Variants in SLC10A7 observed in about 807,000 individuals in gnomAD.
SLC10A7 encodes sodium/bile acid cotransporter 7.
Under a neutral mutation model 43.2 loss-of-function variants are expected in SLC10A7, and 29 were observed. The ratio of observed to expected loss-of-function variants is 0.67; its 90% CI spans 0.50 to 0.92. SLC10A7 has a LOEUF of 0.92. Ranked by LOEUF, SLC10A7 falls within the 40% of genes least tolerant of loss-of-function variation. SLC10A7 has a pLI of 0.00. For synonymous variants in SLC10A7, 152 were observed against 144.8 expected, an observed-to-expected ratio of 1.05 and a Z score of -0.35; for missense variants, 295 against 403.2, an observed-to-expected ratio of 0.73 and a Z score of 2.30.
At chr4:146,310,927 T>C (rs1244907631) in intron 6 of SLC10A7, among the ~76,000 whole-genome samples, 3 of 141,676 alleles carry the variant, frequency 2.1e-5, no homozygotes, top group African/African-American at 7.8e-5. Flanking sequence ...GCTGGGCTCC[T>C]CTTTTTGTGC....
chr4:146,309,481 T>C (rs1396831230), intron 6 of SLC10A7, among the ~76,000 whole-genome samples: 2 of 152,068 alleles, frequency 1.3e-5, no homozygotes, highest in Non-Finnish European at 2.9e-5. Flanking sequence ...ATGGGAGTTG[T>C]GGTGAGAATT....
intron 5 of SLC10A7, among the ~76,000 whole-genome samples, chr4:146,390,342 A>G (rs1738333971): frequency 6.6e-6 from 1 of 152,150 alleles, no homozygotes; most frequent in Non-Finnish European, 1.5e-5. Flanking sequence ...AAAGATAGCT[A>G]TTTAGGCTGG....
chr4:146,265,751 C>T (rs1485036639), intron 10 of SLC10A7, among the ~76,000 whole-genome samples: 1 of 152,134 alleles, frequency 6.6e-6, no homozygotes, highest in Non-Finnish European at 1.5e-5. Flanking sequence ...CTAGTTGCTT[C>T]ACTAGACTTT....
intron 6 of SLC10A7, among the ~76,000 whole-genome samples, chr4:146,316,190 T>C (rs1393580090): frequency 6.6e-6 from 1 of 152,058 alleles, no homozygotes; most frequent in Non-Finnish European, 1.5e-5. Flanking sequence ...GAAGATATAC[T>C]GAGAAAATAA....
intron 6 of SLC10A7, among the ~76,000 whole-genome samples, chr4:146,321,883 T>G (rs1373932074): frequency 1.3e-5 from 2 of 152,192 alleles, no homozygotes; most frequent in Non-Finnish European, 2.9e-5. Flanking sequence ...ATAAAATGCA[T>G]GACAACCTAA....
intron 4 of SLC10A7, among the ~76,000 whole-genome samples, chr4:146,501,187 A>G (rs1362536379): frequency 5.3e-5 from 8 of 152,146 alleles, no homozygotes. Flanking sequence ...TTTGGCTTTA[A>G]ATACATTTAT....
chr4:146,459,228 T>C (rs75941817), intron 4 of SLC10A7, among the ~76,000 whole-genome samples: 2,827 of 151,884 alleles, frequency 0.019, 70 homozygotes, highest in African/African-American at 0.061. Flanking sequence ...GAGATATGGA[T>C]TAGAATCCTT....
At chr4:146,422,620 A>G (rs1729040665) in intron 5 of SLC10A7, among the ~76,000 whole-genome samples, 1 of 152,158 alleles carries the variant, frequency 6.6e-6, no homozygotes, top group Non-Finnish European at 1.5e-5. Context: ...TCCAGCTATG[A>G]CAAACATTAG....
intron 4 of SLC10A7, among the ~76,000 whole-genome samples, chr4:146,458,212 G>T (rs1490497628): frequency 6.6e-6 from 1 of 150,930 alleles, no homozygotes; most frequent in Non-Finnish European, 1.5e-5. Context: ...ATCAATAGAT[G>T]AAAAAAGAAA....
At chr4:146,361,029 T>A (rs1285575109) in intron 5 of SLC10A7, among the ~76,000 whole-genome samples, 1 of 152,132 alleles carries the variant, frequency 6.6e-6, no homozygotes, top group Non-Finnish European at 1.5e-5. Flanking sequence ...CCTTTCCTCA[T>A]CTTTCAGGTA....
At chr4:146,426,256 C>T (rs374664179) in intron 5 of SLC10A7, among the ~76,000 whole-genome samples, 49 of 152,264 alleles carry the variant, frequency 3.2e-4, no homozygotes, top group African/African-American at 1.0e-3. Context: ...AACGGTTCAG[C>T]GAGCGACATC....
chr4:146,354,076 T>G (rs1210967956), intron 5 of SLC10A7, among the ~76,000 whole-genome samples: 2 of 146,760 alleles, frequency 1.4e-5, no homozygotes, highest in Non-Finnish European at 3.0e-5. Context: ...GGTATTCAAT[T>G]AGGAAAAGAG....
intron 5 of SLC10A7, among the ~76,000 whole-genome samples, chr4:146,330,285 C>CA (rs923932627): frequency 1.0e-4 from 15 of 150,712 alleles, no homozygotes; most frequent in East Asian, 5.8e-4. Context: ...ATAGGACATG[C>CA]AAAAAAAAGG....
chr4:146,465,355 A>C (rs989709527), intron 4 of SLC10A7, among the ~76,000 whole-genome samples: 2 of 152,178 alleles, frequency 1.3e-5, no homozygotes, highest in African/African-American at 4.8e-5. Flanking sequence ...TAGAAAACTT[A>C]TTCCTAGGAA....
At chr4:146,502,878 G>A (rs555781471) in intron 4 of SLC10A7, among the ~76,000 whole-genome samples, 25 of 152,168 alleles carry the variant, frequency 1.6e-4, no homozygotes, top group Non-Finnish European at 3.2e-4. Context: ...GTTGAGAAGG[G>A]CAGATGGAAG....
chr4:146,270,958 C>T (rs939849638), intron 10 of SLC10A7, among the ~76,000 whole-genome samples: 1 of 152,196 alleles, frequency 6.6e-6, no homozygotes, highest in South Asian at 2.1e-4. Flanking sequence ...TTCACTTCAA[C>T]CTTGTGGGAT....
rs2110953566 is a variant in SLC10A7 at position 146,255,142 on chromosome 4, G to C, written c.*1349C>G. On this transcript the variant is annotated 3_prime_UTR_variant, in exon 12 of 12. Transcript: ENST00000335472. ...GCCAATATTGTCTATCAAATCAAGAGAGGACGTGTAAGAGGATGTGACAGG... is the reference window on the plus strand; with the variant it reads ...GCCAATATTGTCTATCAAATCAAGACAGGACGTGTAAGAGGATGTGACAGG... The C allele has an allele frequency of 6.6e-6, 1 of 152,570 alleles. No individual in the cohort carries two copies. The highest frequency in any genetic ancestry group is 3.4e-3 in the Middle Eastern group (1 of 294). 9.5% of individuals were successfully genotyped at this position (152,570 alleles called of 1,614,324 possible). A position where few individuals can be genotyped will look rare whatever the true frequency, so the allele number is the denominator to read the frequency against.
chr4:146,380,663 T>C (rs745435518), intron 5 of SLC10A7, among the ~76,000 whole-genome samples: 8 of 152,142 alleles, frequency 5.3e-5, no homozygotes, highest in Non-Finnish European at 1.0e-4. Flanking sequence ...AGGCGATCCA[T>C]TGAGACTTTC....
In SLC10A7 at chr4:146,306,425, TAGTTTC is replaced by T. The variant is rs1731576043; in HGVS notation, c.472-422_472-417del. Among the ~76,000 whole-genome samples the T allele has an allele frequency of 3.9e-5, 6 of 152,256 alleles. No homozygotes were observed. The South Asian group carries it at 1.2e-3, about 32-fold the overall frequency. On this transcript the variant is annotated intron_variant, in intron 6 of 11. Coordinates refer to ENST00000335472, the MANE Select transcript of SLC10A7 (RefSeq NM_001029998.6). ...AACATTTTTATTTATGTAAATGAAATAGTTTCTAACTTTCTGACTCCTTCAAAACAA... is the reference window on the plus strand; with the variant it reads ...AACATTTTTATTTATGTAAATGAAATTAACTTTCTGACTCCTTCAAAACAA...
Sources: gnomAD v4.1 joint callset for allele counts (sites outside exome capture counted in the v4.1 genomes callset) on GRCh38, gnomAD v4.1.1 for gene constraint, MANE v1.5 for transcripts, NCBI Gene and HGNC (gene_info 2026-07-23, HGNC 2026-07-21) for gene names.